Variants in ZFAND6 observed in about 807,000 individuals in gnomAD.
ZFAND6 encodes AN1-type zinc finger protein 6.
ZFAND6 carries 12 observed loss-of-function variants against 24.5 expected under a neutral mutation model. That is an observed-to-expected ratio of 0.49 (90% CI 0.31 to 0.79). The LOEUF is 0.79. Ranked by LOEUF, ZFAND6 falls within the 30% of genes least tolerant of loss-of-function variation. ZFAND6 has a pLI of 0.04. For synonymous variants in ZFAND6, 92 were observed against 81.5 expected, an observed-to-expected ratio of 1.13 and a Z score of -0.69; for missense variants, 207 against 245.9, an observed-to-expected ratio of 0.84 and a Z score of 1.06.
chr15:80,115,423 G>A (rs1483298284), intron 2 of ZFAND6, among the ~76,000 whole-genome samples: 1 of 152,106 alleles, frequency 6.6e-6, no homozygotes, highest in Non-Finnish European at 1.5e-5. Flanking sequence ...TAATTCCACA[G>A]TGCAGCAGTT....
chr15:80,110,672 G>A (rs1052741996), intron 2 of ZFAND6, among the ~76,000 whole-genome samples: 4 of 152,156 alleles, frequency 2.6e-5, no homozygotes, highest in African/African-American at 9.6e-5. Flanking sequence ...AGAATAGAGA[G>A]CCTAGGAAAA....
At chr15:80,119,430 T>A (rs1176529329) in intron 2 of ZFAND6, among the ~76,000 whole-genome samples, 1 of 152,210 alleles carries the variant, frequency 6.6e-6, no homozygotes, top group Non-Finnish European at 1.5e-5. Context: ...TTTTGATGAT[T>A]AATGGGTGCT....
At chr15:80,073,445 A>G in intron 1 of ZFAND6, 1 of 189,116 alleles carries the variant, frequency 5.3e-6, no homozygotes, top group Non-Finnish European at 1.1e-5. Context: ...TTTTCTTTAT[A>G]TTGTTGCTCT....
At position 80,131,236 on chromosome 15, in the gene ZFAND6, A is replaced by C. The variant is rs397831745; in HGVS notation, c.421A>C (p.Lys141Gln). ...TGAAGAGCAAAGCAAGTCTCTTGAA[A>C]AACCGAAACAAAAAAAGAATCGCTG... ...PSEEQSKSLE[K>Q]PKQKKNRCFM... Residue 141 changes from lysine to glutamine, a missense_variant, in exon 6 of 7, where the codon AAA becomes CAA. This residue lies in a region of ZFAND6 where 133 missense variants were observed against 122.8 expected (regional missense o/e 1.08). Transcript: ENST00000261749. The C allele has an allele frequency of 5.6e-6, 9 of 1,612,864 alleles. No individual in the cohort carries two copies. In the East Asian group the frequency reaches 1.6e-4, roughly 28 times the overall value.
At chr15:80,068,591 C>T (rs1006888631) in intron 1 of ZFAND6, among the ~76,000 whole-genome samples, 3 of 152,164 alleles carry the variant, frequency 2.0e-5, no homozygotes, top group South Asian at 2.1e-4. Flanking sequence ...AGGCTGGTCT[C>T]GAACACCTGA....
intron 2 of ZFAND6, among the ~76,000 whole-genome samples, chr15:80,106,202 T>C (rs1353716446): frequency 1.3e-5 from 2 of 152,344 alleles, no homozygotes; most frequent in East Asian, 3.9e-4. Context: ...TTTTGCTATG[T>C]CTTTCCTGAT....
rs939975 is a variant in ZFAND6 at position 80,071,863 on chromosome 15, C to T, written c.-181+12054C>T. Among the ~76,000 whole-genome samples, 3,123 of 151,878 alleles carry T rather than the reference C, an allele frequency of 0.021. 231 individuals are homozygous for T. The East Asian group carries it at 0.22, about 11-fold the overall frequency. On this transcript the variant is annotated intron_variant, in intron 1 of 6. Coordinates refer to ENST00000261749, the MANE Select transcript of ZFAND6 (RefSeq NM_019006.4). ...TGTTTGCCAATGGTTAAGCATTAAC[C>T]TTGGCAAAATACTCACATGTCAGAT...
At position 80,121,819 on chromosome 15, in the gene ZFAND6, A is replaced by T; in HGVS notation, c.262A>T (p.Ser88Cys). ...CTCTACATCTTCATCTATGCAGCCC[A>T]GGTAAGATGTACTCTCTGAATTCTA... ...LDSTSSSMQP[S>C]PVSNQSLLSE... Residue 88 changes from serine to cysteine, a missense_variant and splice_region_variant, in exon 4 of 7, where the codon AGC becomes TGC. Transcript: ENST00000261749. The T allele has an allele frequency of 6.2e-7, 1 of 1,610,828 alleles. No homozygotes were observed. The highest frequency in any genetic ancestry group is 1.3e-5 in the African/African-American group (1 of 74,956).
intron 1 of ZFAND6, among the ~76,000 whole-genome samples, chr15:80,077,463 C>T (rs1162056999): frequency 6.6e-6 from 1 of 151,976 alleles, no homozygotes; most frequent in African/African-American, 2.4e-5. Context: ...GCAAAAGGAC[C>T]TCTATTGGAC....
chr15:80,087,963 G>A (rs981854193), intron 1 of ZFAND6, among the ~76,000 whole-genome samples: 2 of 152,224 alleles, frequency 1.3e-5, no homozygotes, highest in East Asian at 1.9e-4. Flanking sequence ...GCATAAGCTG[G>A]AGACTTTTAC....
rs966840269 is a variant in ZFAND6, at chr15:80,137,801, A to G, written c.*173A>G. On this transcript the variant is annotated 3_prime_UTR_variant, in exon 7 of 7. Coordinates refer to ENST00000261749, the MANE Select transcript of ZFAND6 (RefSeq NM_019006.4). ...GACTCTGAACATTTATTTCCATTGC[A>G]ATTTCTGTGGCTGAGGAGACTTAAA... 1.5e-5 allele frequency: 9 copies of G among 608,016 alleles called. No homozygotes were observed. Among genetic ancestry groups the G allele is most frequent in the African/African-American group, 1.4e-4 (7 of 51,796 alleles). The allele number at this position is 608,016 out of a possible 1,614,324, so 37.7% of individuals were successfully genotyped here.
intron 1 of ZFAND6, chr15:80,075,457 G>A (rs2037219000): frequency 6.4e-6 from 1 of 155,616 alleles, no homozygotes; most frequent in South Asian, 1.9e-4. Context: ...GATTTAGGGA[G>A]TATCTTTTTG....
intron 2 of ZFAND6, among the ~76,000 whole-genome samples, chr15:80,105,972 G>T (rs557802332): frequency 6.6e-6 from 1 of 152,322 alleles, no homozygotes; most frequent in East Asian, 1.9e-4. Flanking sequence ...GGCTAATAAA[G>T]TTGTAATTTT....
chr15:80,064,061 T>C (rs1421821873), intron 1 of ZFAND6, among the ~76,000 whole-genome samples: 3 of 152,384 alleles, frequency 2.0e-5, no homozygotes, highest in South Asian at 2.1e-4. Flanking sequence ...TTCCATCTTA[T>C]AAAAGTACTA....
chr15:80,100,040 C>G (rs748100396), intron 2 of ZFAND6, among the ~76,000 whole-genome samples: 6 of 152,168 alleles, frequency 3.9e-5, no homozygotes, highest in Non-Finnish European at 4.4e-5. Flanking sequence ...ATTTTCTTTT[C>G]TATATTGGTC....
chr15:80,102,530 T>C (rs188090509), intron 2 of ZFAND6, among the ~76,000 whole-genome samples: 10 of 152,336 alleles, frequency 6.6e-5, no homozygotes, highest in African/African-American at 1.9e-4. Context: ...ATATGTGATA[T>C]GGAGATGAAA....
chr15:80,090,346 G>C (rs2038279804), intron 1 of ZFAND6, among the ~76,000 whole-genome samples: 1 of 152,174 alleles, frequency 6.6e-6, no homozygotes, highest in South Asian at 2.1e-4. Flanking sequence ...TTTGGAGTCA[G>C]ACTCTCTGGG....
In ZFAND6 at chr15:80,079,942, G is replaced by A. The variant is rs113359905; in HGVS notation, c.-180-18474G>A. 2.4e-3 allele frequency among the ~76,000 whole-genome samples: 360 copies of A among 150,472 alleles called. 1 individual carries two copies. The highest frequency in any genetic ancestry group is 8.6e-3 in the African/African-American group (352 of 40,984). ...CTGGATTACAGGCATGAGCCACCAC[G>A]CCTGGCCCTTAGCTTTGAGAAACAG... On this transcript the variant is annotated intron_variant, in intron 1 of 6. Coordinates refer to ENST00000261749, the MANE Select transcript of ZFAND6 (RefSeq NM_019006.4).
chr15:80,081,152 T>C (rs1378401571), intron 1 of ZFAND6, among the ~76,000 whole-genome samples: 1 of 152,250 alleles, frequency 6.6e-6, no homozygotes, highest in African/African-American at 2.4e-5. Context: ...ATTTATTCTT[T>C]GCAGACTTTC....
Sources: allele counts gnomAD v4.1 joint callset (sites outside exome capture counted in the v4.1 genomes callset), GRCh38; gene constraint gnomAD v4.1.1; regional missense constraint gnomAD v4.1.1; transcripts MANE v1.5; gene names NCBI Gene and HGNC (gene_info 2026-07-23, HGNC 2026-07-21).